The following CUL2 variants were observed in gnomAD, a reference collection of about 807,000 sequenced individuals.
CUL2 encodes cullin-2.
In CUL2, 22 loss-of-function variants were observed where a neutral mutation model predicts 110.2. That is an observed-to-expected ratio of 0.20 (90% CI 0.14 to 0.28). The LOEUF is 0.28. Ranked by LOEUF, CUL2 falls within the 10% of genes least tolerant of loss-of-function variation. The pLI is 1.00. For missense variants in CUL2, 631 were observed against 905.5 expected (o/e 0.70, Z 3.89); for synonymous variants, 279 against 293.2 (o/e 0.95, Z 0.49).
intron 3 of CUL2, among the ~76,000 whole-genome samples, chr10:35,062,061 T>C (rs931728351): frequency 1.3e-5 from 2 of 152,162 alleles, no homozygotes; most frequent in Non-Finnish European, 2.9e-5. Flanking sequence ...TTACAACAGC[T>C]AATAAAAAGC....
rs1346038028 is a variant in CUL2 at position 35,033,180 on chromosome 10, T to G, written c.1096A>C (p.Ser366Arg). ...TTAAAACTTACCTTATCCAACGCACTCATAAAATGCTGATCACCATTCAAA... is the reference window on the plus strand; with the variant it reads ...TTAAAACTTACCTTATCCAACGCACGCATAAAATGCTGATCACCATTCAAA... ...TVLNGDQHFM[S>R]ALDKALTSVV... Residue 366 changes from serine (S) to arginine (R), a missense_variant, in exon 11 of 21, where the codon AGT (serine) becomes CGT (arginine). Ser to Arg is a moderately radical substitution (Grantham distance 110). Coordinates refer to ENST00000374749, the MANE Select transcript of CUL2 (RefSeq NM_003591.4). 1.2e-6 allele frequency: 2 copies of G among 1,611,740 alleles called. No homozygotes were observed. Among genetic ancestry groups the G allele is most frequent in the South Asian group, 2.2e-5 (2 of 91,024 alleles).
intron 1 of CUL2, among the ~76,000 whole-genome samples, chr10:35,114,215 C>A (rs954315692): frequency 3.3e-5 from 5 of 151,790 alleles, no homozygotes; most frequent in Admixed American, 2.0e-4. Flanking sequence ...AGCCACCGCA[C>A]CTGGCCCCGT....
At chr10:35,027,639 AATC>A (rs1173375186) in intron 16 of CUL2, among the ~76,000 whole-genome samples, 11 of 152,190 alleles carry the variant, frequency 7.2e-5, no homozygotes, top group Admixed American at 6.5e-5. Flanking sequence ...AAAAAATGCA[AATC>A]ATCACTAAGG....
intron 1 of CUL2, among the ~76,000 whole-genome samples, chr10:35,084,107 T>C (rs530672134): frequency 6.6e-6 from 1 of 152,048 alleles, no homozygotes; most frequent in Admixed American, 6.6e-5. Flanking sequence ...CAAAACCCTA[T>C]CTCTACTAAA....
chr10:35,036,258 T>C (rs940647302), intron 9 of CUL2, among the ~76,000 whole-genome samples: 3 of 152,210 alleles, frequency 2.0e-5, no homozygotes, highest in Admixed American at 1.3e-4. Flanking sequence ...GGATCATCTA[T>C]GTTGTTGTGC....
At chr10:35,071,381 T>C (rs761745070) in intron 1 of CUL2, 42 bp from the exon 2 acceptor site, 5 of 1,549,582 alleles carry the variant, frequency 3.2e-6, no homozygotes, top group Non-Finnish European at 4.4e-6. Flanking sequence ...AATAATTCCA[T>C]GAGCTTAGTT....
At chr10:35,103,286 C>G (rs1050170042) in intron 1 of CUL2, among the ~76,000 whole-genome samples, 2 of 147,028 alleles carry the variant, frequency 1.4e-5, no homozygotes, top group Non-Finnish European at 3.0e-5. Flanking sequence ...GGGACACAGG[C>G]GCCCGCCACC....
chr10:35,037,800 G>A lies in CUL2; in HGVS notation c.877+1120C>T, dbSNP rs139203791. Among the ~76,000 whole-genome samples the A allele has an allele frequency of 3.7e-3, 569 of 152,142 alleles. 1 individual carries two copies. The highest frequency in any genetic ancestry group is 0.02 in the Middle Eastern group (6 of 294). On this transcript the variant is annotated intron_variant, in intron 9 of 20. Coordinates refer to ENST00000374749, the MANE Select transcript of CUL2 (RefSeq NM_003591.4). ...AGAGGTTATAGTGAACAGAGATCGC[G>A]CCACTGCATTATAGCCTGGGCCACA...
chr10:35,121,607 T>G lies in CUL2; in HGVS notation c.-51+4998A>C, dbSNP rs568663795. Among the ~76,000 whole-genome samples the G allele has an allele frequency of 1.2e-4, 18 of 152,304 alleles. No homozygotes were observed. The South Asian group carries it at 3.3e-3, about 28-fold the overall frequency. On this transcript the variant is annotated intron_variant, in intron 1 of 5. Coordinates refer to the CUL2 transcript ENST00000685421. The stretch of plus-strand genomic sequence containing the variant: ...TGTGGCATGGAGCCCTTTTCCAATA[T>G]GAAATATATTGACAATAACAATCTT...
chr10:35,011,082 A>C (rs771364787), intron 20 of CUL2, among the ~76,000 whole-genome samples: 7 of 152,140 alleles, frequency 4.6e-5, no homozygotes, highest in Non-Finnish European at 1.0e-4. Flanking sequence ...TATTATTATC[A>C]TTTGAGATAG....
intron 5 of CUL2, among the ~76,000 whole-genome samples, chr10:35,052,712 G>C (rs895253453): frequency 6.6e-6 from 1 of 151,834 alleles, no homozygotes; most frequent in African/African-American, 2.4e-5. Flanking sequence ...TGGCTAACAC[G>C]GTGAAACCCC....
At position 35,086,581 on chromosome 10, in the gene CUL2, G is replaced by A. The variant is rs140511463; in HGVS notation, c.-23+3598C>T. On this transcript the variant is annotated intron_variant, in intron 1 of 20. Coordinates refer to ENST00000374749, the MANE Select transcript of CUL2 (RefSeq NM_003591.4). ...GGATTACAGGCCTGAGCCACCGTAC[G>A]TGGCCGGAAACAGCTTTTTAAACAA... Among the ~76,000 whole-genome samples, 266 of 152,056 alleles carry A rather than the reference G, an allele frequency of 1.7e-3. 1 individual carries two copies. Among genetic ancestry groups the A allele is most frequent in the African/African-American group, 5.8e-3 (242 of 41,494 alleles).
intron 1 of CUL2, among the ~76,000 whole-genome samples, chr10:35,122,786 C>G (rs2087693489): frequency 6.6e-6 from 1 of 152,096 alleles, no homozygotes; most frequent in Non-Finnish European, 1.5e-5. Context: ...TACAGGCATG[C>G]GCCACCATGC....
At chr10:35,114,837 T>C (rs2087572607) in intron 1 of CUL2, among the ~76,000 whole-genome samples, 2 of 151,030 alleles carry the variant, frequency 1.3e-5, no homozygotes, top group South Asian at 2.1e-4. Flanking sequence ...AAAAAATACA[T>C]TGGATGGAAT....
rs779950381 is a variant in CUL2 at position 35,071,282 on chromosome 10, T to G, written c.36A>C (p.Glu12Asp). ...TTGTCGTCAAAAGTTTGTTCCATGTTTCATCAAAATCTACTACTCTTGGTT... is the reference window on the plus strand; with the variant it reads ...TTGTCGTCAAAAGTTTGTTCCATGTGTCATCAAAATCTACTACTCTTGGTT... The part of the protein sequence containing the change: ...SLKPRVVDFD[E>D]TWNKLLTTIK... Residue 12 changes from glutamate to aspartate, a missense_variant, in exon 2 of 21, where the codon GAA becomes GAC. Transcript: ENST00000374749. The G allele has an allele frequency of 2.0e-5, 33 of 1,613,816 alleles. No individual in the cohort carries two copies. The Admixed American group carries it at 5.5e-4, about 27-fold the overall frequency.
At chr10:35,082,240 T>C (rs1198905031) in intron 1 of CUL2, among the ~76,000 whole-genome samples, 3 of 152,130 alleles carry the variant, frequency 2.0e-5, no homozygotes, top group Non-Finnish European at 2.9e-5. Flanking sequence ...TTCCGATATA[T>C]GCTACGACAA....
intron 1 of CUL2, among the ~76,000 whole-genome samples, chr10:35,126,018 T>C (rs576045134): frequency 1.3e-5 from 2 of 152,078 alleles, no homozygotes; most frequent in Admixed American, 6.6e-5. Context: ...TTAGTAGAGA[T>C]GGGGTTTCAC....
At chr10:35,028,755 T>C in intron 16 of CUL2, 55 bp downstream of exon 16, 1 of 1,155,766 alleles carries the variant, frequency 8.7e-7, no homozygotes, top group Non-Finnish European at 1.3e-6. Context: ...TGATATAATA[T>C]GAAGACAATT....
upstream of CUL2, chr10:35,090,443 G>A (rs2087182162): frequency 6.6e-6 from 1 of 151,524 alleles, no homozygotes; most frequent in Non-Finnish European, 1.5e-5. Flanking sequence ...TCTCCGCGAG[G>A]AAAGACAGCA....
Sources: allele counts gnomAD v4.1 joint callset (sites outside exome capture counted in the v4.1 genomes callset), GRCh38; gene constraint gnomAD v4.1.1; transcripts MANE v1.5; gene names NCBI Gene and HGNC (gene_info 2026-07-23, HGNC 2026-07-21).